Variants in FOXN3 observed in about 807,000 individuals in gnomAD.
The protein encoded by FOXN3 is forkhead box protein N3.
FOXN3 carries 7 observed loss-of-function variants against 38.4 expected under a neutral mutation model. The observed-to-expected ratio is 0.18, with a 90% CI of 0.10 to 0.34. The LOEUF is 0.34. Among genes scored for constraint, FOXN3 ranks in the 10% least tolerant of loss-of-function variants. The probability of loss-of-function intolerance (pLI) is 1.00; values close to 1 mark genes in which losing one functional copy is unlikely to be tolerated. For synonymous variants in FOXN3, 230 were observed against 242.2 expected (o/e 0.95, Z 0.47); for missense variants, 456 against 613.4 (o/e 0.74, Z 2.71).
chr14:89,487,103 C>T (rs780525900), intron 1 of FOXN3, among the ~76,000 whole-genome samples: 24 of 152,170 alleles, frequency 1.6e-4, no homozygotes, highest in Non-Finnish European at 3.2e-4. Context: ...CAAGTGTACA[C>T]GCTGCAAAGT....
chr14:89,611,496 A>C (rs942874195), intron 1 of FOXN3, among the ~76,000 whole-genome samples: 3 of 152,244 alleles, frequency 2.0e-5, no homozygotes, highest in Non-Finnish European at 4.4e-5. Flanking sequence ...GAAAGTCAAA[A>C]GGTGAAGACA....
intron 4 of FOXN3, among the ~76,000 whole-genome samples, chr14:89,239,965 C>A (rs553356630): frequency 2.0e-5 from 3 of 152,190 alleles, no homozygotes; most frequent in Non-Finnish European, 4.4e-5. Flanking sequence ...TAAAGACAAT[C>A]TTGTCCCACA....
chr14:89,508,612 C>G (rs948897541), intron 1 of FOXN3, among the ~76,000 whole-genome samples: 1 of 152,184 alleles, frequency 6.6e-6, no homozygotes, highest in Admixed American at 6.5e-5. Flanking sequence ...AAAACTGAGG[C>G]CAGCAGGCAA....
chr14:89,489,694 T>C (rs1435065706), intron 1 of FOXN3, among the ~76,000 whole-genome samples: 2 of 152,224 alleles, frequency 1.3e-5, no homozygotes, highest in Non-Finnish European at 1.5e-5. Flanking sequence ...TATTTCCATA[T>C]GTAACTGGCA....
At chr14:89,498,553 T>C (rs1446905142) in intron 1 of FOXN3, among the ~76,000 whole-genome samples, 1 of 152,202 alleles carries the variant, frequency 6.6e-6, no homozygotes, top group Non-Finnish European at 1.5e-5. Flanking sequence ...CACACTTATA[T>C]GCACTAGATA....
In FOXN3 at chr14:89,467,344, A is replaced by T. The variant is rs571061218; in HGVS notation, c.-14-54854T>A. Among the ~76,000 whole-genome samples, 3 of 152,340 alleles carry T rather than the reference A, an allele frequency of 2.0e-5. No homozygotes were observed. In the South Asian group the frequency reaches 6.2e-4, roughly 32 times the overall value. On this transcript the variant is annotated intron_variant, in intron 1 of 6. Transcript: ENST00000345097. ...GAAACATGGCTTCATTACACGTTGT[A>T]GAAAAGGGGCTGGGAACATGGGAAA... is the stretch of plus-strand genomic sequence containing the variant.
chr14:89,498,858 G>T (rs775510913), intron 1 of FOXN3, among the ~76,000 whole-genome samples: 1 of 152,130 alleles, frequency 6.6e-6, no homozygotes, highest in African/African-American at 2.4e-5. Flanking sequence ...TTATAAGGAT[G>T]CTCCAACTCA....
intron 2 of FOXN3, 125 bp from the exon 3 acceptor site, chr14:89,350,933 G>T: frequency 1.5e-6 from 1 of 657,932 alleles, no homozygotes; most frequent in Non-Finnish European, 2.3e-6. Context: ...CTGTTTGCCA[G>T]CCTTAAATAT....
At chr14:89,532,368 CACAA>C (rs917171874) in intron 1 of FOXN3, among the ~76,000 whole-genome samples, 4 of 152,196 alleles carry the variant, frequency 2.6e-5, no homozygotes, top group Admixed American at 2.0e-4. Context: ...ACCTTAAATA[CACAA>C]ACATAGAAGC....
intron 2 of FOXN3, among the ~76,000 whole-genome samples, chr14:89,381,855 AG>A (rs1329004518): frequency 1.3e-5 from 1 of 78,924 alleles, no homozygotes; most frequent in Non-Finnish European, 2.5e-5. Context: ...GAAGGAGGGG[AG>A]GGGAGGGGAA....
chr14:89,599,580 T>C (rs1443000918), intron 1 of FOXN3, among the ~76,000 whole-genome samples: 1 of 152,188 alleles, frequency 6.6e-6, no homozygotes, highest in Non-Finnish European at 1.5e-5. Flanking sequence ...TTTTTAATCA[T>C]ATCTGGTCTT....
chr14:89,425,803 A>G (rs1288739423), intron 1 of FOXN3, among the ~76,000 whole-genome samples: 2 of 152,222 alleles, frequency 1.3e-5, no homozygotes, highest in Non-Finnish European at 2.9e-5. Context: ...CCCTTTCATC[A>G]ACCAATGAAA....
chr14:89,611,337 T>G (rs57420347), intron 1 of FOXN3, among the ~76,000 whole-genome samples: 1,574 of 152,300 alleles, frequency 0.01, 21 homozygotes, highest in African/African-American at 0.036. Context: ...AGACCAAGTG[T>G]AAAAGTGAGT....
chr14:89,321,878 C>T (rs919917681), intron 3 of FOXN3, among the ~76,000 whole-genome samples: 1 of 152,002 alleles, frequency 6.6e-6, no homozygotes, highest in African/African-American at 2.4e-5. Flanking sequence ...TGAAGAGGCC[C>T]ACGGCAATGA....
intron 1 of FOXN3, among the ~76,000 whole-genome samples, chr14:89,503,584 T>C (rs1266196342): frequency 6.6e-6 from 1 of 152,232 alleles, no homozygotes; most frequent in African/African-American, 2.4e-5. Context: ...CTTCCAATTC[T>C]CCTTACCAAC....
intron 2 of FOXN3, among the ~76,000 whole-genome samples, chr14:89,360,750 ACCACCAC>A (rs1889483551): frequency 2.5e-5 from 3 of 119,882 alleles, no homozygotes; most frequent in Non-Finnish European, 5.1e-5. Context: ...CACCACCTCC[ACCACCAC>A]CTCCACCACT....
intron 3 of FOXN3, among the ~76,000 whole-genome samples, chr14:89,295,655 G>A (rs1036558793): frequency 9.2e-5 from 14 of 151,438 alleles, no homozygotes; most frequent in Middle Eastern, 3.2e-3. Flanking sequence ...TGGCACAATC[G>A]CAGCTCACTG....
chr14:89,605,011 T>A (rs555532548), intron 1 of FOXN3, among the ~76,000 whole-genome samples: 1 of 151,914 alleles, frequency 6.6e-6, no homozygotes, highest in Non-Finnish European at 1.5e-5. Flanking sequence ...CTTAAAGAGT[T>A]TTCCATCGAT....
intron 1 of FOXN3, among the ~76,000 whole-genome samples, chr14:89,569,631 T>C (rs1327923806): frequency 1.3e-5 from 2 of 152,150 alleles, no homozygotes; most frequent in African/African-American, 4.8e-5. Flanking sequence ...ATCCAACATA[T>C]ATTTGTTGAG....
Sources: allele counts gnomAD v4.1 joint callset (sites outside exome capture counted in the v4.1 genomes callset), GRCh38; gene constraint gnomAD v4.1.1; transcripts MANE v1.5; gene names NCBI Gene and HGNC (gene_info 2026-07-23, HGNC 2026-07-21).